ST6GALNAC3: variants seen among roughly 807,000 people sequenced by gnomAD.
ST6GALNAC3 encodes the protein alpha-N-acetylgalactosaminide alpha-2,6-sialyltransferase 3.
ST6GALNAC3 carries 25 observed loss-of-function variants against 32.7 expected under a neutral mutation model. The observed-to-expected ratio is 0.76, with a 90% confidence interval of 0.56 to 1.07. ST6GALNAC3 has a LOEUF of 1.07. Ranked by LOEUF, ST6GALNAC3 falls within the 50% of genes least tolerant of loss-of-function variation. ST6GALNAC3 has a pLI of 0.00. For synonymous variants in ST6GALNAC3, 129 were observed against 133.1 expected, an observed-to-expected ratio of 0.97 and a Z score of 0.21; for missense variants, 355 against 382.4, an observed-to-expected ratio of 0.93 and a Z score of 0.60.
intron 3 of ST6GALNAC3, among the ~76,000 whole-genome samples, chr1:76,584,608 G>A (rs1483933051): frequency 6.6e-6 from 1 of 152,186 alleles, no homozygotes; most frequent in East Asian, 1.9e-4. Flanking sequence ...GCTAGCAGCA[G>A]CTTCAGATAT....
At chr1:76,108,861 A>AGT (rs10528375) in intron 1 of ST6GALNAC3, among the ~76,000 whole-genome samples, 142 of 149,882 alleles carry the variant, frequency 9.5e-4, no homozygotes, top group African/African-American at 2.8e-3. Context: ...CTGTAGACAT[A>AGT]GTGTGTGTGT....
chr1:76,143,264 A>G (rs10493584), intron 1 of ST6GALNAC3, among the ~76,000 whole-genome samples: 84,417 of 151,986 alleles, frequency 0.56, 25,059 homozygotes, highest in East Asian at 0.88. Context: ...GAATTTTTAC[A>G]GTGCCTATAG....
chr1:76,500,648 C>T (rs1009485010), intron 3 of ST6GALNAC3, among the ~76,000 whole-genome samples: 5 of 152,036 alleles, frequency 3.3e-5, no homozygotes, highest in Non-Finnish European at 4.4e-5. Flanking sequence ...TCATGTTGAC[C>T]GAGATTGTTT....
chr1:76,297,380 T>G (rs1660465264), intron 1 of ST6GALNAC3, among the ~76,000 whole-genome samples: 1 of 152,110 alleles, frequency 6.6e-6, no homozygotes, highest in Middle Eastern at 3.4e-3. Context: ...TGCCAAATAA[T>G]AAGTTTCCAG....
At chr1:76,177,653 G>C (rs1652931414) in intron 1 of ST6GALNAC3, among the ~76,000 whole-genome samples, 1 of 152,166 alleles carries the variant, frequency 6.6e-6, no homozygotes, top group Admixed American at 6.5e-5. Context: ...GTCAGCTAGA[G>C]TGCAGAGGAG....
Position 76,241,451 on chromosome 1 carries a change from T to TTC in ST6GALNAC3, c.19-72354_19-72353insTC, listed in dbSNP as rs1570551013. Among the ~76,000 whole-genome samples, 6 of 152,024 alleles carry TTC rather than the reference T, an allele frequency of 3.9e-5. No individual in the cohort carries two copies. In the East Asian group the frequency reaches 9.7e-4, roughly 25 times the overall value. The stretch of plus-strand genomic sequence containing the variant: ...TGCTAAGCTCCCTTAAACAACCAGC[T>TTC]CTAGCAGGAATGAAAACAGTGAGAA... On this transcript the variant is annotated intron_variant, in intron 1 of 4. Transcript: ENST00000328299.
intron 1 of ST6GALNAC3, among the ~76,000 whole-genome samples, chr1:76,147,439 T>C (rs1012710753): frequency 6.6e-6 from 1 of 152,172 alleles, no homozygotes; most frequent in Non-Finnish European, 1.5e-5. Context: ...AGCACAGATA[T>C]CTTAACCTGA....
chr1:76,562,553 T>C (rs1294002139), intron 3 of ST6GALNAC3, among the ~76,000 whole-genome samples: 2 of 152,166 alleles, frequency 1.3e-5, no homozygotes, highest in Non-Finnish European at 1.5e-5. Context: ...GGTAGAAACC[T>C]CACTTTATTT....
intron 2 of ST6GALNAC3, among the ~76,000 whole-genome samples, chr1:76,355,400 G>T (rs1649354656): frequency 6.6e-6 from 1 of 151,856 alleles, no homozygotes; most frequent in Non-Finnish European, 1.5e-5. Context: ...TTTCTCTTCT[G>T]CTTTGAGATG....
intron 1 of ST6GALNAC3, among the ~76,000 whole-genome samples, chr1:76,279,196 T>C (rs940315887): frequency 6.6e-6 from 1 of 152,126 alleles, no homozygotes; most frequent in Admixed American, 6.5e-5. Flanking sequence ...GGAACTGAAA[T>C]TGTAGAGCAG....
At chr1:76,412,999 A>G in intron 3 of ST6GALNAC3, 1 of 358,602 alleles carries the variant, frequency 2.8e-6, no homozygotes, top group Non-Finnish European at 5.5e-6. Context: ...TTTTAAAGAA[A>G]TGAGGTATAA....
chr1:76,525,791 G>GTATATATATATA lies in ST6GALNAC3; in HGVS notation c.624-101635_624-101624dup, dbSNP rs199721572. ...TGTGTTTGTGTGTGTGTGTGTGTGT[G>GTATATATATATA]TATATATATATATATATATATATAT... On this transcript the variant is annotated intron_variant, in intron 3 of 4. Coordinates refer to ENST00000328299, the MANE Select transcript of ST6GALNAC3 (RefSeq NM_152996.4). Among the ~76,000 whole-genome samples, 260 of 75,502 alleles carry GTATATATATATA rather than the reference G, an allele frequency of 3.4e-3. 4 individuals are homozygous for GTATATATATATA. The highest frequency in any genetic ancestry group is 6.4e-3 in the Non-Finnish European group (211 of 33,016). The allele number at this position is 75,502 out of a possible 152,430, so 49.5% of individuals were successfully genotyped here. A position where few individuals can be genotyped will look rare whatever the true frequency, so the allele number is the denominator to read the frequency against.
rs77266620 is a variant in ST6GALNAC3, at chr1:76,095,862, G to T, written c.18+20978G>T. 8.1e-3 allele frequency among the ~76,000 whole-genome samples: 1,231 copies of T among 152,234 alleles called. 16 individuals carry two copies. The highest frequency in any genetic ancestry group is 0.028 in the African/African-American group (1,145 of 41,542). The stretch of plus-strand genomic sequence containing the variant: ...TCTCCCCTCAGGGCTGAATGAAATT[G>T]AATGTCTTGTAAACGTGTGCAGCCT... On this transcript the variant is annotated intron_variant, in intron 1 of 4. Transcript: ENST00000328299.
intron 2 of ST6GALNAC3, among the ~76,000 whole-genome samples, chr1:76,357,017 A>G (rs1018841089): frequency 6.6e-6 from 1 of 152,078 alleles, no homozygotes; most frequent in African/African-American, 2.4e-5. Context: ...AAAATCAAGA[A>G]TAATATTTAG....
At chr1:76,402,858 A>G (rs1436324113) in intron 2 of ST6GALNAC3, among the ~76,000 whole-genome samples, 2 of 152,064 alleles carry the variant, frequency 1.3e-5, no homozygotes, top group Admixed American at 6.6e-5. Flanking sequence ...TTTCCAAGAA[A>G]GATGTATTTC....
intron 3 of ST6GALNAC3, among the ~76,000 whole-genome samples, chr1:76,611,740 T>C (rs939675716): frequency 3.9e-5 from 6 of 152,234 alleles, no homozygotes; most frequent in Admixed American, 3.9e-4. Context: ...TGTTGCAATA[T>C]GAAATCAGGA....
At position 76,155,650 on chromosome 1, in the gene ST6GALNAC3, A is replaced by T. The variant is rs1352931010; in HGVS notation, c.18+80766A>T. Among the ~76,000 whole-genome samples the T allele has an allele frequency of 4.6e-4, 66 of 144,252 alleles. 1 individual carries two copies. The highest frequency in any genetic ancestry group is 3.7e-3 in the Admixed American group (54 of 14,584). The allele number at this position is 144,252 out of a possible 152,430, so 94.6% of individuals were successfully genotyped here. On this transcript the variant is annotated intron_variant, in intron 1 of 4. Coordinates refer to ENST00000328299, the MANE Select transcript of ST6GALNAC3 (RefSeq NM_152996.4). Reference sequence around the variant, plus strand: ...GCCTGGCTAATTTTTTTTTTTTTTTAATATTTTTAGTAGAGACAGGGTTTC... The same window carrying T: ...GCCTGGCTAATTTTTTTTTTTTTTTTATATTTTTAGTAGAGACAGGGTTTC...
At chr1:76,169,290 G>T (rs1378432297) in intron 1 of ST6GALNAC3, among the ~76,000 whole-genome samples, 1 of 152,112 alleles carries the variant, frequency 6.6e-6, no homozygotes, top group Non-Finnish European at 1.5e-5. Context: ...ATCTCTTTTG[G>T]CTTGTAGAGT....
At chr1:76,501,697 G>A (rs1422941050) in intron 3 of ST6GALNAC3, among the ~76,000 whole-genome samples, 2 of 152,208 alleles carry the variant, frequency 1.3e-5, no homozygotes, top group African/African-American at 4.8e-5. Context: ...GAGGAACAAA[G>A]CTTCAGAAGC....
Sources: gnomAD v4.1 joint callset for allele counts (sites outside exome capture counted in the v4.1 genomes callset) on GRCh38, gnomAD v4.1.1 for gene constraint, MANE v1.5 for transcripts, NCBI Gene and HGNC (gene_info 2026-07-23, HGNC 2026-07-21) for gene names.